EMB: variants seen among roughly 807,000 people sequenced by gnomAD.
EMB encodes the protein embigin, also known as embigin homolog.
Under a neutral mutation model 41.4 loss-of-function variants are expected in EMB, and 31 were observed. The observed-to-expected ratio is 0.75, with a 90% confidence interval of 0.56 to 1.01. The LOEUF (loss-of-function observed/expected upper bound fraction) is 1.01, where lower values mean the gene tolerates loss of function less well. Among genes scored for constraint, EMB ranks in the 50% least tolerant of loss-of-function variants. The probability of loss-of-function intolerance (pLI) is 0.00; values close to 1 mark genes in which losing one functional copy is unlikely to be tolerated. For synonymous variants in EMB, 137 were observed against 140.4 expected, an observed-to-expected ratio of 0.98 and a Z score of 0.17; for missense variants, 379 against 388.3, an observed-to-expected ratio of 0.98 and a Z score of 0.20.
rs1406708258 is a variant in EMB at position 50,403,302 on chromosome 5, C to T, written c.753G>A (p.Glu251=). 4 of 1,612,880 alleles carry T rather than the reference C, an allele frequency of 2.5e-6. No homozygotes were observed. The highest frequency in any genetic ancestry group is 3.4e-6 in the Non-Finnish European group (4 of 1,179,280). Residue 251 remains glutamate (E), a synonymous_variant, in exon 6 of 9, where the codon GAG becomes GAA. Coordinates refer to ENST00000303221, the MANE Select transcript of EMB (RefSeq NM_198449.3). ...FQLGESEEHI[E]LVVLSYLVPL... The stretch of plus-strand genomic sequence containing the variant: ...GCACCAAATAGCTCAGCACCACAAG[C>T]TCAATGTGTTCTTCACTCTCGCCTA...
At chr5:50,425,090 T>C (rs1308862754) in intron 2 of EMB, among the ~76,000 whole-genome samples, 1 of 152,298 alleles carries the variant, frequency 6.6e-6, no homozygotes, top group East Asian at 1.9e-4. Context: ...CTAGAATCTT[T>C]TCTGCAATAA....
At chr5:50,440,352 G>A (rs1745878712) in intron 1 of EMB, among the ~76,000 whole-genome samples, 1 of 151,982 alleles carries the variant, frequency 6.6e-6, no homozygotes, top group Admixed American at 6.6e-5. Context: ...TGACCAATGT[G>A]GAGAAGCCCA....
At chr5:50,418,277 GT>G (rs1745461634) in intron 2 of EMB, among the ~76,000 whole-genome samples, 1 of 152,210 alleles carries the variant, frequency 6.6e-6, no homozygotes, top group South Asian at 2.1e-4. Context: ...TTAACATGAA[GT>G]TAATCCAACA....
rs769438668 is a variant in EMB, at chr5:50,403,462, G to A, written c.601-8C>T. ...TTGAACACCAACAGGAACCTAATAT[G>A]AGGAGACATTAAAATCCATTCCTAT... is the stretch of plus-strand genomic sequence containing the variant. On this transcript the variant is annotated splice_region_variant and splice_polypyrimidine_tract_variant and intron_variant, in intron 5 of 8. Transcript: ENST00000303221. The A allele has an allele frequency of 1.9e-6, 3 of 1,610,648 alleles. No homozygotes were observed. The highest frequency in any genetic ancestry group is 1.7e-6 in the Non-Finnish European group (2 of 1,177,886).
At chr5:50,436,437 T>C (rs1212936071) in intron 1 of EMB, among the ~76,000 whole-genome samples, 1 of 152,232 alleles carries the variant, frequency 6.6e-6, no homozygotes, top group Non-Finnish European at 1.5e-5. Flanking sequence ...CCCTGTATAC[T>C]GCTAAACTGT....
chr5:50,416,791 C>T (rs1745437376), intron 2 of EMB, among the ~76,000 whole-genome samples: 1 of 152,080 alleles, frequency 6.6e-6, no homozygotes, highest in Admixed American at 6.6e-5. Context: ...AGATCCTCTC[C>T]GTAAGACACA....
At chr5:50,428,303 TA>T in intron 1 of EMB, 76 bp from the exon 2 acceptor site, 1 of 1,344,288 alleles carries the variant, frequency 7.4e-7, no homozygotes, top group Non-Finnish European at 1.0e-6. Context: ...TTGAAACAGC[TA>T]AAACACTGTT....
At chr5:50,409,984 G>A (rs1240639997) in intron 4 of EMB, among the ~76,000 whole-genome samples, 2 of 152,022 alleles carry the variant, frequency 1.3e-5, no homozygotes, top group Admixed American at 6.6e-5. Context: ...AGGGACACAG[G>A]AGTGAACCAT....
At chr5:50,400,321 C>G (rs1169481937) in intron 7 of EMB, among the ~76,000 whole-genome samples, 1 of 151,888 alleles carries the variant, frequency 6.6e-6, no homozygotes, top group Non-Finnish European at 1.5e-5. Context: ...GGTTCTTTTT[C>G]CACCCAAAGT....
chr5:50,434,677 G>C (rs2111865736), intron 1 of EMB, among the ~76,000 whole-genome samples: 1 of 152,278 alleles, frequency 6.6e-6, no homozygotes, highest in African/African-American at 2.4e-5. Context: ...TGGGATTAGG[G>C]ACACATTAGT....
At chr5:50,430,348 C>T (rs1745696660) in intron 1 of EMB, among the ~76,000 whole-genome samples, 1 of 152,142 alleles carries the variant, frequency 6.6e-6, no homozygotes, top group Non-Finnish European at 1.5e-5. Flanking sequence ...ACTCTTTATC[C>T]CTGAAACAAG....
At chr5:50,411,073 TA>T (rs2111794387) in intron 3 of EMB, 108 bp from the exon 4 acceptor site, 1 of 1,175,478 alleles carries the variant, frequency 8.5e-7, no homozygotes, top group South Asian at 1.6e-5. Context: ...ATTCTGTAAA[TA>T]TGCAAATTAG....
At chr5:50,401,415 C>T (rs188118377) in intron 7 of EMB, among the ~76,000 whole-genome samples, 29 of 152,118 alleles carry the variant, frequency 1.9e-4, no homozygotes, top group East Asian at 1.4e-3. Flanking sequence ...ACTCTAAGTG[C>T]CATTTTGTGT....
In EMB at chr5:50,435,414, C is replaced by A. The variant is rs112979131; in HGVS notation, c.112+5626G>T. 3.7e-3 allele frequency among the ~76,000 whole-genome samples: 568 copies of A among 152,320 alleles called. 6 individuals carry two copies. The highest frequency in any genetic ancestry group is 0.012 in the African/African-American group (512 of 41,562). On this transcript the variant is annotated intron_variant, in intron 1 of 8. Coordinates refer to ENST00000303221, the MANE Select transcript of EMB (RefSeq NM_198449.3). The stretch of plus-strand genomic sequence containing the variant: ...AGCAAAAGGTTCCAGCTCAGAATCA[C>A]ACATTGCCGTTGGCTATCACTTCTC...
chr5:50,421,269 A>G (rs1382143695), intron 2 of EMB, among the ~76,000 whole-genome samples: 1 of 152,108 alleles, frequency 6.6e-6, no homozygotes, highest in African/African-American at 2.4e-5. Flanking sequence ...GAAGACATTT[A>G]TGCAGCCAAA....
intron 2 of EMB, among the ~76,000 whole-genome samples, chr5:50,426,148 C>T (rs1561138568): frequency 6.6e-6 from 1 of 152,084 alleles, no homozygotes; most frequent in Non-Finnish European, 1.5e-5. Context: ...GGCATTATGC[C>T]CAGAAAGAAA....
intron 1 of EMB, chr5:50,428,700 G>A (rs1230476259): frequency 1.0e-6 from 1 of 985,152 alleles, no homozygotes; most frequent in Non-Finnish European, 1.2e-6. Context: ...ATGGCTGACG[G>A]GCCAGTTTGG....
intron 2 of EMB, among the ~76,000 whole-genome samples, chr5:50,418,059 T>G (rs753355860): frequency 1.3e-5 from 2 of 152,240 alleles, no homozygotes; most frequent in Non-Finnish European, 2.9e-5. Context: ...CAATTCTGTT[T>G]GAATTCCAGA....
At chr5:50,412,507 A>C (rs533410847) in intron 2 of EMB, among the ~76,000 whole-genome samples, 1 of 152,028 alleles carries the variant, frequency 6.6e-6, no homozygotes, top group African/African-American at 2.4e-5. Flanking sequence ...TCACAAAACT[A>C]TATCTTCCAC....
Sources: gnomAD v4.1 joint callset for allele counts (sites outside exome capture counted in the v4.1 genomes callset) on GRCh38, gnomAD v4.1.1 for gene constraint, MANE v1.5 for transcripts, NCBI Gene and HGNC (gene_info 2026-07-23, HGNC 2026-07-21) for gene names.